The following CEP164 variants were observed in gnomAD, a reference collection of about 807,000 sequenced individuals.
The protein encoded by CEP164 is centrosomal protein 164, also known as centrosomal protein of 164 kDa.
A neutral mutation model predicts 182.7 loss-of-function variants in CEP164; 162 were observed. That is an observed-to-expected ratio of 0.89 (90% CI 0.78 to 1.01). The LOEUF (loss-of-function observed/expected upper bound fraction) is 1.01. CEP164 is among the 50% of genes least tolerant of loss of function. The pLI, the probability that CEP164 is intolerant of heterozygous loss-of-function variation, is 0.00. For synonymous variants in CEP164, 661 were observed against 690.0 expected (o/e 0.96, Z 0.66); for missense variants, 1,735 against 1,790.4 (o/e 0.97, Z 0.56).
At chr11:117,382,657 G>C in intron 13 of CEP164, 139 bp from the exon 14 acceptor site, 1 of 919,902 alleles carries the variant, frequency 1.1e-6, no homozygotes, top group Non-Finnish European at 1.7e-6. Context: ...GGGAGAGGGA[G>C]GTCTAAGACC....
At chr11:117,357,683 A>C (rs907201784) in intron 5 of CEP164, among the ~76,000 whole-genome samples, 2 of 152,144 alleles carry the variant, frequency 1.3e-5, no homozygotes, top group Admixed American at 6.5e-5. Context: ...CAGTCTCCCA[A>C]AGTCCTGGGA....
chr11:117,329,008 G>A (rs2035778617), intron 1 of CEP164, among the ~76,000 whole-genome samples: 1 of 152,176 alleles, frequency 6.6e-6, no homozygotes, highest in South Asian at 2.1e-4. Flanking sequence ...TCTTGCTTGT[G>A]CTTTCAGGAT....
rs2045576509 is a variant in CEP164, at chr11:117,397,106, T to C, written c.3294T>C (p.Asn1098=). The C allele has an allele frequency of 2.5e-6, 4 of 1,613,860 alleles. No individual in the cohort carries two copies. In the South Asian group the frequency reaches 3.3e-5, roughly 13 times the overall value. Residue 1098 remains asparagine (N), a synonymous_variant, in exon 27 of 33, where the codon AAT becomes AAC. Transcript: ENST00000278935. ...DLYLDSLSSH[N]VWHLLSAEGV... is the part of the protein sequence containing the mutation. ...CCTGCTCCAGCCTGTCCTCCCACAA[T>C]GTCTGGCACCTCCTCTCTGCTGAGG...
At chr11:117,380,548 C>T (rs752799431) in intron 11 of CEP164, 66 bp from the exon 12 acceptor site, 12 of 1,304,046 alleles carry the variant, frequency 9.2e-6, no homozygotes, top group African/African-American at 1.5e-5. Context: ...TGAGAGCCAG[C>T]AGGAGGATGG....
At chr11:117,390,961 G>T (rs1345924792) in intron 16 of CEP164, 38 bp from the exon 17 acceptor site, 1 of 1,614,018 alleles carries the variant, frequency 6.2e-7, no homozygotes, top group Non-Finnish European at 8.5e-7. Flanking sequence ...CGACCCCAGG[G>T]TGCACAGGCC....
In CEP164 at chr11:117,357,585, C is replaced by T. The variant is rs538991062; in HGVS notation, c.394-4250C>T. ...TACAGGCGTGTGCTAACACACCTGG[C>T]TAATTTTTGTATTTTTAGCAGAGAC... On this transcript the variant is annotated intron_variant, in intron 5 of 32. Coordinates refer to ENST00000278935, the MANE Select transcript of CEP164 (RefSeq NM_014956.5). Among the ~76,000 whole-genome samples, 49 of 151,494 alleles carry T rather than the reference C, an allele frequency of 3.2e-4. No homozygotes were observed. In the Middle Eastern group the frequency reaches 0.017, roughly 53 times the overall value.
chr11:117,353,972 C>G (rs1286917781), intron 5 of CEP164, among the ~76,000 whole-genome samples: 1 of 151,098 alleles, frequency 6.6e-6, no homozygotes, highest in African/African-American at 2.4e-5. Context: ...TCCGGGTGTC[C>G]TTGGTAAGGT....
chr11:117,348,053 T>A (rs377608368), intron 4 of CEP164, among the ~76,000 whole-genome samples: 8 of 152,192 alleles, frequency 5.3e-5, no homozygotes, highest in African/African-American at 1.9e-4. Flanking sequence ...CACGGCACCC[T>A]CTACCTCCCG....
At chr11:117,358,693 G>A (rs1320679359) in intron 5 of CEP164, among the ~76,000 whole-genome samples, 2 of 151,976 alleles carry the variant, frequency 1.3e-5, no homozygotes, top group Non-Finnish European at 2.9e-5. Context: ...ACTATACCCA[G>A]CTAATTAAAA....
chr11:117,406,266 G>A (rs1265158441), intron 27 of CEP164, among the ~76,000 whole-genome samples: 1 of 152,120 alleles, frequency 6.6e-6, no homozygotes, highest in East Asian at 1.9e-4. Context: ...ACATGGTGGT[G>A]GCAAGTAAAA....
intron 12 of CEP164, 37 bp downstream of exon 12, chr11:117,380,742 T>G: frequency 6.4e-7 from 1 of 1,550,992 alleles, no homozygotes; most frequent in East Asian, 2.4e-5. Flanking sequence ...GCGCTGTGCC[T>G]TCAGGGTGGT....
intron 4 of CEP164, among the ~76,000 whole-genome samples, chr11:117,348,589 G>C (rs592828): frequency 0.25 from 38,667 of 151,962 alleles, 5,077 homozygotes; most frequent in Admixed American, 0.28. Flanking sequence ...ACTTTCTTTT[G>C]TCATACTGAA....
At chr11:117,371,563 G>A (rs2042193564) in intron 9 of CEP164, 97 bp downstream of exon 9, 2 of 1,437,524 alleles carry the variant, frequency 1.4e-6, no homozygotes, top group South Asian at 3.0e-5. Flanking sequence ...TTATTACTGA[G>A]TCAGGAGCTT....
At chr11:117,347,602 C>T (rs1458352041) in intron 4 of CEP164, among the ~76,000 whole-genome samples, 7 of 151,698 alleles carry the variant, frequency 4.6e-5, no homozygotes, top group Admixed American at 2.0e-4. Flanking sequence ...CCCAGCTACT[C>T]GGGAGGCTGA....
At position 117,391,200 on chromosome 11, in the gene CEP164, A is replaced by G. The variant is rs750395570; in HGVS notation, c.2268A>G (p.Glu756=). 27 of 1,610,380 alleles carry G rather than the reference A, an allele frequency of 1.7e-5. No homozygotes were observed. In the Middle Eastern group the frequency reaches 1.8e-3, roughly 109 times the overall value. The stretch of plus-strand genomic sequence containing the variant: ...TGCAGCAGCTGAGGGAGCAGCTGGA[A>G]GGGGAGAGGAAAGAAGTGAGCTAGT... ...KALQQLREQL[E]GERKEAVATL... is the part of the protein sequence containing the mutation. The change falls in exon 17 of 33, where the codon GAA becomes GAG. Residue 756 remains glutamate, a synonymous_variant. Coordinates refer to ENST00000278935, the MANE Select transcript of CEP164 (RefSeq NM_014956.5).
At position 117,409,892 on chromosome 11, in the gene CEP164, G is replaced by T. The variant is rs748085058; in HGVS notation, c.4023G>T (p.Gly1341=). The change falls in exon 30 of 33, where the codon GGG becomes GGT. Residue 1341 remains glycine (G), a synonymous_variant. Transcript: ENST00000278935. This position sits in a 1 kb window ranked among gnomAD's most constrained non-coding sequence, Gnocchi z 4.4. ...STQWAWDSGQ[G]PRLPSSVAQT... Reference sequence around the variant, plus strand: ...AATGGGCCTGGGATTCAGGGCAGGGGCCCAGGCTCCCCTCCTCTGTGGCTC... The same window carrying T: ...AATGGGCCTGGGATTCAGGGCAGGGTCCCAGGCTCCCCTCCTCTGTGGCTC... 3.1e-6 allele frequency: 5 copies of T among 1,613,970 alleles called. No homozygotes were observed. Among genetic ancestry groups the T allele is most frequent in the Non-Finnish European group, 1.7e-6 (2 of 1,180,012 alleles).
intron 13 of CEP164, 66 bp from the exon 14 acceptor site, chr11:117,382,730 G>A: frequency 6.4e-7 from 1 of 1,558,860 alleles, no homozygotes; most frequent in South Asian, 1.2e-5. Context: ...ACCCCAAATG[G>A]CGTACATCTT....
intron 5 of CEP164, among the ~76,000 whole-genome samples, chr11:117,353,948 C>G (rs1236357839): frequency 2.0e-5 from 3 of 151,940 alleles, no homozygotes; most frequent in Non-Finnish European, 4.4e-5. Context: ...CTCTTCGCGC[C>G]CTGTTAAAAA....
chr11:117,396,005 C>A, intron 24 of CEP164, 49 bp from the exon 25 acceptor site: 2 of 1,611,322 alleles, frequency 1.2e-6, no homozygotes, highest in Non-Finnish European at 1.7e-6. Context: ...CACCCCTCCC[C>A]CCCATCGCCA....
Sources: gnomAD v4.1 joint callset for allele counts (sites outside exome capture counted in the v4.1 genomes callset) on GRCh38, gnomAD v4.1.1 for gene constraint, Gnocchi (gnomAD v3.1) non-coding constraint, MANE v1.5 for transcripts, NCBI Gene and HGNC (gene_info 2026-07-23, HGNC 2026-07-21) for gene names.